Variants in CSMD1 observed in about 807,000 individuals in gnomAD.
CSMD1 encodes the protein CUB and sushi domain-containing protein 1.
CSMD1 carries 213 observed loss-of-function variants against 417.5 expected under a neutral mutation model. That is an observed-to-expected ratio of 0.51 (90% CI 0.46 to 0.57). The LOEUF is 0.57. CSMD1 is among the 20% of genes least tolerant of loss of function. The pLI, the probability that CSMD1 is intolerant of heterozygous loss-of-function variation, is 0.00. For synonymous variants in CSMD1, 2,862 were observed against 1,736.8 expected, an observed-to-expected ratio of 1.65 and a Z score of -16.11; for missense variants, 6,923 against 4,529.7, an observed-to-expected ratio of 1.53 and a Z score of -15.17.
In CSMD1 at chr8:4,345,071, T is replaced by C. The variant is rs77300272; in HGVS notation, c.415+74882A>G. Among the ~76,000 whole-genome samples, 172 of 152,178 alleles carry C rather than the reference T, an allele frequency of 1.1e-3. 1 individual carries two copies. In the East Asian group the frequency reaches 0.028, roughly 25 times the overall value. ...ATTCTGTGATTAAGTCAGTCTGTGG[T>C]TGGGGCTTAGAAAGAGGAGAAATGA... On this transcript the variant is annotated intron_variant, in intron 3 of 69. Transcript: ENST00000635120.
chr8:3,699,995 CA>C (rs1800764709), intron 7 of CSMD1, among the ~76,000 whole-genome samples: 1 of 152,080 alleles, frequency 6.6e-6, no homozygotes, highest in Non-Finnish European at 1.5e-5. Context: ...ACCACCTGAG[CA>C]TCTGTTGTGT....
At chr8:3,516,678 G>A (rs760855037) in intron 10 of CSMD1, among the ~76,000 whole-genome samples, 6 of 152,222 alleles carry the variant, frequency 3.9e-5, no homozygotes, top group East Asian at 3.9e-4. Flanking sequence ...GGGTACAGGT[G>A]GTATTTGGTT....
intron 26 of CSMD1, among the ~76,000 whole-genome samples, chr8:3,256,219 C>G (rs1800639957): frequency 2.0e-5 from 3 of 148,448 alleles, no homozygotes; most frequent in South Asian, 2.2e-4. Context: ...CCCAACTACT[C>G]AGGGGGCTGA....
intron 2 of CSMD1, among the ~76,000 whole-genome samples, chr8:4,471,365 G>C (rs191283056): frequency 2.4e-3 from 360 of 152,258 alleles, no homozygotes; most frequent in African/African-American, 8.1e-3. Flanking sequence ...AAGACATTGG[G>C]TTAGACTATT....
intron 3 of CSMD1, among the ~76,000 whole-genome samples, chr8:4,331,778 G>C (rs1799882689): frequency 6.6e-6 from 1 of 152,114 alleles, no homozygotes; most frequent in Admixed American, 6.6e-5. Flanking sequence ...CTTCCCAGGA[G>C]AGGTTTTTGT....
At chr8:3,963,858 G>C (rs1340654881) in intron 5 of CSMD1, among the ~76,000 whole-genome samples, 4 of 152,148 alleles carry the variant, frequency 2.6e-5, no homozygotes, top group Non-Finnish European at 5.9e-5. Flanking sequence ...CGCAGTTTAA[G>C]AAATGAAGGT....
chr8:4,585,749 C>G (rs951422277), intron 2 of CSMD1, among the ~76,000 whole-genome samples: 1 of 152,054 alleles, frequency 6.6e-6, no homozygotes, highest in African/African-American at 2.4e-5. Flanking sequence ...ACATAGAGCT[C>G]TATACAAAGT....
chr8:4,328,259 T>C (rs1028280134), intron 3 of CSMD1, among the ~76,000 whole-genome samples: 65 of 150,796 alleles, frequency 4.3e-4, no homozygotes, highest in African/African-American at 1.5e-3. Context: ...TTTTTTTTTT[T>C]TTTTTTGAGA....
At chr8:3,600,017 C>T (rs966786010) in intron 8 of CSMD1, among the ~76,000 whole-genome samples, 3 of 152,166 alleles carry the variant, frequency 2.0e-5, no homozygotes, top group African/African-American at 7.2e-5. Context: ...AAAATGACCA[C>T]CACAAGAGGC....
chr8:4,663,506 C>A (rs1189717200), intron 1 of CSMD1, among the ~76,000 whole-genome samples: 2 of 152,070 alleles, frequency 1.3e-5, no homozygotes, highest in Non-Finnish European at 2.9e-5. Flanking sequence ...CAGATATTCC[C>A]CTTGCTGTTG....
chr8:4,400,989 G>A (rs1184356537), intron 3 of CSMD1, among the ~76,000 whole-genome samples: 7 of 151,962 alleles, frequency 4.6e-5, no homozygotes, highest in Non-Finnish European at 8.8e-5. Context: ...TTTAACAGGT[G>A]TTTCTTAACA....
At chr8:3,742,904 C>T (rs750942587) in intron 6 of CSMD1, among the ~76,000 whole-genome samples, 5 of 152,202 alleles carry the variant, frequency 3.3e-5, no homozygotes, top group South Asian at 2.1e-4. Flanking sequence ...AGAGTATTTC[C>T]GTGCGAATGC....
intron 7 of CSMD1, among the ~76,000 whole-genome samples, chr8:3,687,977 A>C (rs969351761): frequency 3.3e-5 from 5 of 152,090 alleles, no homozygotes; most frequent in Admixed American, 2.6e-4. Context: ...ATATTTGCTT[A>C]TCTGAATTTT....
chr8:4,651,467 G>A (rs1426192904), intron 1 of CSMD1, among the ~76,000 whole-genome samples: 2 of 152,002 alleles, frequency 1.3e-5, no homozygotes, highest in East Asian at 3.9e-4. Flanking sequence ...TCATATACTG[G>A]TGGGGGGAGG....
intron 7 of CSMD1, among the ~76,000 whole-genome samples, chr8:3,621,506 TAC>T (rs1021560078): frequency 3.3e-5 from 5 of 152,172 alleles, no homozygotes; most frequent in African/African-American, 1.2e-4. Flanking sequence ...GATGAAAATT[TAC>T]AGAGATGAAT....
At chr8:3,752,748 A>G (rs2129053500) in intron 6 of CSMD1, among the ~76,000 whole-genome samples, 1 of 150,822 alleles carries the variant, frequency 6.6e-6, no homozygotes, top group South Asian at 2.1e-4. Flanking sequence ...CTGAGGCAGG[A>G]AGTTCTGCGT....
chr8:3,997,129 C>G (rs767830167), intron 5 of CSMD1, among the ~76,000 whole-genome samples: 1 of 152,106 alleles, frequency 6.6e-6, no homozygotes, highest in Non-Finnish European at 1.5e-5. Flanking sequence ...TTAAAGTGTT[C>G]AGGTTTAAAA....
At chr8:4,606,852 T>C (rs1363126251) in intron 2 of CSMD1, among the ~76,000 whole-genome samples, 3 of 152,230 alleles carry the variant, frequency 2.0e-5, no homozygotes, top group Non-Finnish European at 4.4e-5. Context: ...GACATTTTAA[T>C]TAAAGTGAAA....
intron 18 of CSMD1, among the ~76,000 whole-genome samples, 185 bp from the exon 19 acceptor site, chr8:3,369,555 G>A (rs529482758): frequency 1.2e-4 from 19 of 152,244 alleles, no homozygotes; most frequent in African/African-American, 3.4e-4. Context: ...TCATATGAAG[G>A]GATCTTAACC....
Sources: gnomAD v4.1 joint callset for allele counts (sites outside exome capture counted in the v4.1 genomes callset) on GRCh38, gnomAD v4.1.1 for gene constraint, MANE v1.5 for transcripts, NCBI Gene and HGNC (gene_info 2026-07-23, HGNC 2026-07-21) for gene names.